The following HERC3 variants were observed in gnomAD, a reference collection of about 807,000 sequenced individuals.
HERC3 encodes the protein HECT and RLD domain containing E3 ubiquitin protein ligase 3, also known as probable E3 ubiquitin-protein ligase HERC3.
A neutral mutation model predicts 129.9 loss-of-function variants in HERC3; 58 were observed. The observed-to-expected ratio is 0.45, with a 90% confidence interval of 0.36 to 0.56. HERC3 has a LOEUF of 0.56. HERC3 is among the 20% of genes least tolerant of loss of function. HERC3 has a pLI of 0.00. For synonymous variants in HERC3, 430 were observed against 451.0 expected, an observed-to-expected ratio of 0.95 and a Z score of 0.59; for missense variants, 835 against 1,244.2, an observed-to-expected ratio of 0.67 and a Z score of 4.95.
At chr4:88,550,947 A>T in the HERC3 span, among the ~76,000 whole-genome samples, 141 of 150,836 alleles carry the variant, frequency 9.3e-4, no homozygotes, top group African/African-American at 3.4e-3. Context: ...ATATAGATCA[A>T]TGGAACAGAA....
At chr4:88,544,247 A>G in the HERC3 span, among the ~76,000 whole-genome samples, 1 of 152,244 alleles carries the variant, frequency 6.6e-6, no homozygotes, top group Non-Finnish European at 1.5e-5. Flanking sequence ...AACCCCTTCA[A>G]AAAGTGGACG....
At chr4:88,652,630 A>G (rs1729416366) in intron 5 of HERC3, among the ~76,000 whole-genome samples, 1 of 152,068 alleles carries the variant, frequency 6.6e-6, no homozygotes, top group East Asian at 1.9e-4. Context: ...TACATTTAAT[A>G]TTTTCTGTGT....
chr4:88,591,312 C>T (rs1721691400), upstream of HERC3, among the ~76,000 whole-genome samples: 1 of 152,180 alleles, frequency 6.6e-6, no homozygotes, highest in Non-Finnish European at 1.5e-5. Flanking sequence ...GTGTACTGGA[C>T]AATTTGCATT....
At chr4:88,558,290 T>C in the HERC3 span, among the ~76,000 whole-genome samples, 1 of 152,038 alleles carries the variant, frequency 6.6e-6, no homozygotes, top group Non-Finnish European at 1.5e-5. Flanking sequence ...GAAAATGTGG[T>C]ATATATACAC....
At chr4:88,544,139 C>T in the HERC3 span, among the ~76,000 whole-genome samples, 1 of 152,174 alleles carries the variant, frequency 6.6e-6, no homozygotes, top group Non-Finnish European at 1.5e-5. Flanking sequence ...AGGCAACCTA[C>T]AGAATGGGAG....
the HERC3 span, among the ~76,000 whole-genome samples, chr4:88,568,496 T>C: frequency 6.6e-6 from 1 of 152,118 alleles, no homozygotes; most frequent in African/African-American, 2.4e-5. Flanking sequence ...AGCTGCAAGA[T>C]GAAGTCCTTC....
At chr4:88,591,869 C>A (rs572421019), upstream of HERC3, among the ~76,000 whole-genome samples, 2 of 152,054 alleles carry the variant, frequency 1.3e-5, no homozygotes, top group Non-Finnish European at 2.9e-5. Flanking sequence ...CTCCAGCCTC[C>A]CCCAGGCCCG....
At chr4:88,567,380 T>C in the HERC3 span, among the ~76,000 whole-genome samples, 1 of 152,198 alleles carries the variant, frequency 6.6e-6, no homozygotes, top group Non-Finnish European at 1.5e-5. Flanking sequence ...CCTTTTACCC[T>C]GATCTTTCTA....
At chr4:88,645,445 G>A (rs1442490947) in intron 3 of HERC3, among the ~76,000 whole-genome samples, 1 of 152,098 alleles carries the variant, frequency 6.6e-6, no homozygotes, top group Non-Finnish European at 1.5e-5. Context: ...CATTTATTTT[G>A]TGATAGTTTT....
intron 3 of HERC3, among the ~76,000 whole-genome samples, chr4:88,627,402 A>G (rs1726219696): frequency 6.6e-6 from 1 of 152,176 alleles, no homozygotes; most frequent in Non-Finnish European, 1.5e-5. Context: ...TTTACATTAT[A>G]TTAGGTATTA....
the HERC3 span, among the ~76,000 whole-genome samples, chr4:88,530,482 A>G: frequency 6.6e-6 from 1 of 152,276 alleles, no homozygotes; most frequent in Admixed American, 6.5e-5. Context: ...AGGCCTAAGG[A>G]GGGCTTAGGG....
intron 9 of HERC3, chr4:88,656,339 C>G (rs936758515): frequency 2.0e-5 from 6 of 304,424 alleles, no homozygotes; most frequent in African/African-American, 1.3e-4. Flanking sequence ...GCAGGCTCTA[C>G]AGGGAGCATG....
At chr4:88,617,787 C>T (rs1363488008) in intron 3 of HERC3, among the ~76,000 whole-genome samples, 7 of 152,050 alleles carry the variant, frequency 4.6e-5, no homozygotes, top group Middle Eastern at 3.4e-3. Context: ...AGGAGAATGA[C>T]GTGAACCTGG....
rs752666156 is a variant in HERC3, at chr4:88,631,352, G to C, written c.227-18488G>C. ...TGCCTGTAGTCTCAACTACTTGAGA[G>C]GCTGAGGCAGGAGAATCACTTGAAC... is the stretch of plus-strand genomic sequence containing the variant. On this transcript the variant is annotated intron_variant, in intron 3 of 25. Transcript: ENST00000402738. 7.2e-5 allele frequency among the ~76,000 whole-genome samples: 11 copies of C among 152,172 alleles called. 1 individual carries two copies. The highest frequency in any genetic ancestry group is 7.2e-4 in the Admixed American group (11 of 15,284).
chr4:88,546,723 A>G, the HERC3 span, among the ~76,000 whole-genome samples: 1 of 152,204 alleles, frequency 6.6e-6, no homozygotes, highest in Non-Finnish European at 1.5e-5. Context: ...ATGAAATCAT[A>G]TGGCTCAATT....
intron 6 of HERC3, among the ~76,000 whole-genome samples, 190 bp downstream of exon 6, chr4:88,653,280 A>G (rs1335090987): frequency 3.3e-5 from 5 of 152,242 alleles, no homozygotes; most frequent in African/African-American, 1.2e-4. Context: ...ACCAGTAAAT[A>G]CACAGGATTT....
intron 23 of HERC3, chr4:88,697,852 A>C (rs1578344028): frequency 4.7e-6 from 7 of 1,478,454 alleles, no homozygotes; most frequent in Non-Finnish European, 6.3e-6. Flanking sequence ...AGTGGCGGTG[A>C]CGTGCGGCCG....
chr4:88,605,575 A>G lies in HERC3; in HGVS notation c.-29-220A>G, dbSNP rs192082252. ...TTACTCATTCATTTAAACAAACACA[A>G]TTTATTTAAACTTCTTTTTTAAACT... On this transcript the variant is annotated intron_variant, in intron 2 of 25. Transcript: ENST00000402738. Among the ~76,000 whole-genome samples, 368 of 152,314 alleles carry G rather than the reference A, an allele frequency of 2.4e-3. 3 individuals are homozygous for G. The highest frequency in any genetic ancestry group is 7.0e-3 in the Admixed American group (107 of 15,298).
At chr4:88,568,571 T>A in the HERC3 span, among the ~76,000 whole-genome samples, 1 of 151,832 alleles carries the variant, frequency 6.6e-6, no homozygotes, top group Middle Eastern at 3.5e-3. Flanking sequence ...CAGTTAGAAA[T>A]CTCCAGAAGC....
Sources: allele counts gnomAD v4.1 joint callset (sites outside exome capture counted in the v4.1 genomes callset), GRCh38; gene constraint gnomAD v4.1.1; transcripts MANE v1.5; gene names NCBI Gene and HGNC (gene_info 2026-07-23, HGNC 2026-07-21).